PCDHGB4: variants seen among roughly 807,000 people sequenced by gnomAD.
PCDHGB4 encodes the protein protocadherin gamma subfamily B, 4.
Under a neutral mutation model 60.5 loss-of-function variants are expected in PCDHGB4, and 38 were observed. That is an observed-to-expected ratio of 0.63 (90% CI 0.48 to 0.82). The LOEUF (loss-of-function observed/expected upper bound fraction) is 0.82, where lower values mean the gene tolerates loss of function less well. Ranked by LOEUF, PCDHGB4 falls within the 40% of genes least tolerant of loss-of-function variation. PCDHGB4 has a pLI of 0.00. For missense variants in PCDHGB4, 1,109 were observed against 1,209.6 expected (o/e 0.92, Z 1.23); for synonymous variants, 456 against 509.7 (o/e 0.89, Z 1.42).
chr5:141,410,251 C>A (rs2095372140), intron 1 of PCDHGB4: 5 of 1,613,898 alleles, frequency 3.1e-6, no homozygotes, highest in African/African-American at 1.3e-5. Context: ...TACTCTCTGA[C>A]CCCCAGGCTG....
intron 3 of PCDHGB4, among the ~76,000 whole-genome samples, chr5:141,508,855 C>T (rs2099872444): frequency 6.6e-6 from 1 of 152,020 alleles, no homozygotes; most frequent in Non-Finnish European, 1.5e-5. Flanking sequence ...CATTCCCAGG[C>T]TGGGAAAGGC....
intron 2 of PCDHGB4, 80 bp downstream of exon 2, chr5:141,494,945 C>G (rs2099757788): frequency 6.2e-7 from 1 of 1,608,958 alleles, no homozygotes; most frequent in Non-Finnish European, 8.5e-7. Flanking sequence ...GGGGGAGGGC[C>G]CAGCATTTGC....
Position 141,477,202 on chromosome 5 carries a change from C to G in PCDHGB4, c.2398-17605C>G. 1 of 1,614,182 alleles carries G rather than the reference C, an allele frequency of 6.2e-7. No homozygotes were observed. The highest frequency in any genetic ancestry group is 1.1e-5 in the South Asian group (1 of 91,074). On this transcript the variant is annotated intron_variant, in intron 1 of 3. Transcript: ENST00000519479. This position sits in a 1 kb window ranked among gnomAD's most constrained non-coding sequence, Gnocchi z 4.9. ...TCACCTCCGTGTACAGCCCAGTACC[C>G]GAGGATGCCCCTCTGGGGACTGTCA...
intron 1 of PCDHGB4, chr5:141,419,467 C>T: frequency 6.2e-7 from 1 of 1,612,476 alleles, no homozygotes; most frequent in Non-Finnish European, 8.5e-7. Context: ...AGGCCCGCGA[C>T]CAGGGCTCGC....
intron 1 of PCDHGB4, among the ~76,000 whole-genome samples, chr5:141,436,478 A>G (rs1360229764): frequency 2.0e-5 from 3 of 152,220 alleles, no homozygotes; most frequent in Non-Finnish European, 4.4e-5. Context: ...TGTATCATAG[A>G]AGGATAGCAG....
intron 1 of PCDHGB4, among the ~76,000 whole-genome samples, chr5:141,455,160 G>GTT (rs59530096): frequency 1.3e-4 from 20 of 149,232 alleles, no homozygotes; most frequent in South Asian, 1.1e-3. Flanking sequence ...TAGTTTGTTG[G>GTT]TTTTTTTTTT....
At chr5:141,451,807 G>A (rs896081470) in intron 1 of PCDHGB4, among the ~76,000 whole-genome samples, 5 of 150,778 alleles carry the variant, frequency 3.3e-5, no homozygotes, top group African/African-American at 1.2e-4. Flanking sequence ...CTTGAACCCA[G>A]GAGGCGGAGG....
chr5:141,487,256 G>A lies in PCDHGB4; in HGVS notation c.2398-7551G>A. ...ATCTCGTCTAACCCTCTACTTGGCTGTGTCCCTAGTGGCAATTTGCTTTGT... is the reference window on the plus strand; with the variant it reads ...ATCTCGTCTAACCCTCTACTTGGCTATGTCCCTAGTGGCAATTTGCTTTGT... On this transcript the variant is annotated intron_variant, in intron 1 of 3. Transcript: ENST00000519479. The surrounding 1 kb of genome is among the most constrained non-coding windows in gnomAD (Gnocchi z 5.0). The A allele has an allele frequency of 6.2e-7, 1 of 1,614,166 alleles. No individual in the cohort carries two copies. The highest frequency in any genetic ancestry group is 8.5e-7 in the Non-Finnish European group (1 of 1,180,032).
intron 1 of PCDHGB4, chr5:141,393,205 C>A: frequency 6.2e-7 from 1 of 1,613,504 alleles, no homozygotes; most frequent in Non-Finnish European, 8.5e-7. Flanking sequence ...GATAATAACC[C>A]AAAATTCCAG....
chr5:141,413,803 G>A (rs1331029473), intron 1 of PCDHGB4: 3 of 1,613,142 alleles, frequency 1.9e-6, no homozygotes, highest in Non-Finnish European at 1.7e-6. Flanking sequence ...CGAGGAAGAG[G>A]CCATTCACCA....
rs756706355 is a variant in PCDHGB4 at position 141,486,950 on chromosome 5, G to C, written c.2398-7857G>C. 6.2e-7 allele frequency: 1 copy of C among 1,614,202 alleles called. No homozygotes were observed. Among genetic ancestry groups the C allele is most frequent in the East Asian group, 2.2e-5 (1 of 44,876 alleles). On this transcript the variant is annotated intron_variant, in intron 1 of 3. Coordinates refer to ENST00000519479, the MANE Select transcript of PCDHGB4 (RefSeq NM_003736.4). The surrounding 1 kb of genome is among the most constrained non-coding windows in gnomAD (Gnocchi z 5.0). ...TGGTGCTGGCCACCTAATCACAAAG[G>C]TGACTGCTGTGGACTTGGATTCAGG...
intron 1 of PCDHGB4, among the ~76,000 whole-genome samples, chr5:141,452,575 T>A (rs1386847800): frequency 6.6e-6 from 1 of 152,192 alleles, no homozygotes; most frequent in Non-Finnish European, 1.5e-5. Flanking sequence ...CCTTCCCCCT[T>A]TCCATCTTTG....
Position 141,494,830 on chromosome 5 carries a change from G to C in PCDHGB4, c.2421G>C (p.Trp807Cys), listed in dbSNP as rs2099757104. Residue 807 changes from tryptophan (W) to cysteine (C), a missense_variant, in exon 2 of 4, where the codon TGG (tryptophan) becomes TGC (cysteine). Coordinates refer to ENST00000519479, the MANE Select transcript of PCDHGB4 (RefSeq NM_003736.4). ...AGCAAGCCCCGCCCAACACGGACTG[G>C]CGTTTCTCTCAGGCCCAGAGACCCG... The part of the protein sequence containing the change: ...SHQQAPPNTD[W>C]RFSQAQRPGT... 6.2e-7 allele frequency: 1 copy of C among 1,614,098 alleles called. No homozygotes were observed. The highest frequency in any genetic ancestry group is 2.2e-5 in the East Asian group (1 of 44,862).
intron 1 of PCDHGB4, among the ~76,000 whole-genome samples, chr5:141,450,424 CTTTAA>C (rs2098679800): frequency 1.3e-5 from 2 of 152,146 alleles, no homozygotes; most frequent in East Asian, 3.9e-4. Context: ...TGTATAATGC[CTTTAA>C]TTTATATTTG....
intron 1 of PCDHGB4, chr5:141,419,373 TGTCC>T (rs761256298): frequency 6.2e-7 from 1 of 1,613,754 alleles, no homozygotes; most frequent in South Asian, 1.1e-5. Context: ...TCGTCCTACG[TGTCC>T]GTGAGCGCGC....
chr5:141,501,544 G>T (rs1297191346), intron 2 of PCDHGB4, among the ~76,000 whole-genome samples: 3 of 151,962 alleles, frequency 2.0e-5, no homozygotes, highest in African/African-American at 7.3e-5. Flanking sequence ...TTGTGCATAA[G>T]ATCATAGGCC....
chr5:141,468,832 C>G (rs530307522), intron 1 of PCDHGB4, among the ~76,000 whole-genome samples: 1 of 152,164 alleles, frequency 6.6e-6, no homozygotes, highest in South Asian at 2.1e-4. Flanking sequence ...AGCCACTGCA[C>G]TCCAGCCTGG....
intron 2 of PCDHGB4, among the ~76,000 whole-genome samples, chr5:141,497,390 C>T (rs2099776143): frequency 6.6e-6 from 1 of 152,158 alleles, no homozygotes; most frequent in Non-Finnish European, 1.5e-5. Context: ...GAGCACCTTA[C>T]CCCTGCCTCA....
At chr5:141,408,121 T>C in intron 1 of PCDHGB4, 1 of 1,475,406 alleles carries the variant, frequency 6.8e-7, no homozygotes, top group South Asian at 1.4e-5. Context: ...CCTCCTGTCC[T>C]GGGCCGAATG....
Sources: gnomAD v4.1 joint callset for allele counts (sites outside exome capture counted in the v4.1 genomes callset) on GRCh38, gnomAD v4.1.1 for gene constraint, Gnocchi (gnomAD v3.1) non-coding constraint, MANE v1.5 for transcripts, NCBI Gene and HGNC (gene_info 2026-07-23, HGNC 2026-07-21) for gene names.